ADGRL2: variants seen among roughly 807,000 people sequenced by gnomAD.
ADGRL2 encodes the protein adhesion G protein-coupled receptor L2.
Under a neutral mutation model 157.4 loss-of-function variants are expected in ADGRL2, and 44 were observed. The observed-to-expected ratio is 0.28, with a 90% CI of 0.22 to 0.36. The LOEUF (loss-of-function observed/expected upper bound fraction) is 0.36. Ranked by LOEUF, ADGRL2 falls within the 10% of genes least tolerant of loss-of-function variation. The pLI is 1.00. For missense variants in ADGRL2, 1,510 were observed against 1,768.9 expected (o/e 0.85, Z 2.63); for synonymous variants, 585 against 624.7 (o/e 0.94, Z 0.95).
intron 1 of ADGRL2, among the ~76,000 whole-genome samples, chr1:81,398,953 CT>C (rs2076704332): frequency 6.6e-6 from 1 of 152,148 alleles, no homozygotes; most frequent in Non-Finnish European, 1.5e-5. Context: ...CTGTATTAGT[CT>C]GTTTTCACAC....
chr1:81,549,304 C>G lies in ADGRL2; in HGVS notation c.-247-31572C>G, dbSNP rs75246292. 2.0e-4 allele frequency among the ~76,000 whole-genome samples: 31 copies of G among 152,242 alleles called. 3 individuals are homozygous for G. The East Asian group carries it at 6.0e-3, about 29-fold the overall frequency. On this transcript the variant is annotated intron_variant, in intron 2 of 24. Transcript: ENST00000370721. ...AACTTTTGAAAATATGGAAAAGAAA[C>G]TATTCAAAACAAAGGAAAGGAAGAA...
intron 2 of ADGRL2, among the ~76,000 whole-genome samples, chr1:81,458,729 T>C (rs994638322): frequency 6.6e-6 from 1 of 152,150 alleles, no homozygotes; most frequent in African/African-American, 2.4e-5. Flanking sequence ...AACTAGGAGA[T>C]GCCAGAAACC....
intron 2 of ADGRL2, among the ~76,000 whole-genome samples, chr1:81,785,919 C>T (rs1028673467): frequency 6.6e-6 from 1 of 151,206 alleles, no homozygotes; most frequent in Non-Finnish European, 1.5e-5. Flanking sequence ...CCAGCCTGGA[C>T]AAAATAGAGA....
chr1:81,986,938 T>G lies in ADGRL2; in HGVS notation c.3546T>G (p.Leu1182=). The G allele has an allele frequency of 6.2e-7, 1 of 1,611,580 alleles. No individual in the cohort carries two copies. The highest frequency in any genetic ancestry group is 8.5e-7 in the Non-Finnish European group (1 of 1,179,122). The stretch of plus-strand genomic sequence containing the variant: ...ATTACCTACTAACAAACCCTCTTCT[T>G]CGACCCCACGGCACTAACAACCCCT... ...TGNYLLTNPL[L]RPHGTNNPYN... is the part of the protein sequence containing the mutation. Residue 1182 remains leucine (L), a synonymous_variant, in exon 22 of 24, where the codon CTT becomes CTG. Coordinates refer to ENST00000686636, the MANE Select transcript of ADGRL2 (RefSeq NM_001366006.2).
intron 14 of ADGRL2, among the ~76,000 whole-genome samples, chr1:81,968,703 T>A (rs3828120): frequency 0.32 from 49,051 of 152,082 alleles, 8,051 homozygotes; most frequent in Admixed American, 0.33. Context: ...TTTTAAGAAG[T>A]GTAGCATTTC....
chr1:81,781,440 TA>T (rs974485012), intron 2 of ADGRL2, among the ~76,000 whole-genome samples: 24 of 150,726 alleles, frequency 1.6e-4, no homozygotes, highest in Admixed American at 1.3e-3. Flanking sequence ...GTTTTTCAGC[TA>T]AAAAAAAAGG....
chr1:81,767,269 G>GT (rs1398310388), intron 2 of ADGRL2, among the ~76,000 whole-genome samples: 9 of 151,752 alleles, frequency 5.9e-5, no homozygotes, highest in Non-Finnish European at 1.3e-4. Context: ...TCAGTTTTTT[G>GT]TTTTTTTGTT....
intron 1 of ADGRL2, among the ~76,000 whole-genome samples, chr1:81,363,823 T>C (rs1287087254): frequency 2.0e-5 from 3 of 152,162 alleles, no homozygotes; most frequent in East Asian, 3.8e-4. Flanking sequence ...TCTGCTTCTA[T>C]ACATTGTACT....
At chr1:81,527,730 G>A (rs2079497271) in intron 2 of ADGRL2, among the ~76,000 whole-genome samples, 1 of 151,210 alleles carries the variant, frequency 6.6e-6, no homozygotes, top group South Asian at 2.1e-4. Flanking sequence ...AAAGTGATCG[G>A]AGGGAGCTGC....
chr1:81,580,996 T>C (rs184422377), intron 3 of ADGRL2: 16 of 152,342 alleles, frequency 1.1e-4, no homozygotes, highest in East Asian at 5.8e-4. Flanking sequence ...TGAACATTCC[T>C]TCCAAACAAT....
At chr1:81,700,898 A>G (rs1239934492) in intron 1 of ADGRL2, among the ~76,000 whole-genome samples, 1 of 152,234 alleles carries the variant, frequency 6.6e-6, no homozygotes, top group Non-Finnish European at 1.5e-5. Flanking sequence ...GTTTGCAGTC[A>G]CAGAAAAATC....
rs34509135 is a variant in ADGRL2, at chr1:81,859,406, CTT to C, written c.73+22366_73+22367del. On this transcript the variant is annotated intron_variant, in intron 2 of 23. Coordinates refer to ENST00000686636, the MANE Select transcript of ADGRL2 (RefSeq NM_001366006.2). ...AAGTAAAATGACCATAGAATAAAAC[CTT>C]TTTTTTTTTTTTTTTTGAGACAGGG... is the stretch of plus-strand genomic sequence containing the variant. Among the ~76,000 whole-genome samples the C allele has an allele frequency of 1.2e-3, 155 of 124,850 alleles. 1 individual carries two copies. Among genetic ancestry groups the C allele is most frequent in the Middle Eastern group, 4.8e-3 (1 of 210 alleles). The allele number at this position is 124,850 out of a possible 152,430, so 81.9% of individuals were successfully genotyped here.
intron 1 of ADGRL2, among the ~76,000 whole-genome samples, chr1:81,705,039 TTC>T (rs2083687532): frequency 1.3e-5 from 2 of 152,172 alleles, no homozygotes; most frequent in African/African-American, 2.4e-5. Context: ...TGTTGTTGTT[TTC>T]TTTTAATTTT....
chr1:81,701,670 C>T (rs1025445312), intron 1 of ADGRL2, among the ~76,000 whole-genome samples: 3 of 152,140 alleles, frequency 2.0e-5, no homozygotes, highest in Non-Finnish European at 4.4e-5. Flanking sequence ...AAGGAATTTG[C>T]CCAAGTTCCC....
At chr1:81,605,178 G>A (rs955573166) in intron 3 of ADGRL2, among the ~76,000 whole-genome samples, 6 of 152,132 alleles carry the variant, frequency 3.9e-5, no homozygotes, top group Non-Finnish European at 7.4e-5. Context: ...AACATAAAGA[G>A]CCCTTCCCCC....
intron 2 of ADGRL2, among the ~76,000 whole-genome samples, chr1:81,898,566 A>C (rs996071775): frequency 1.2e-4 from 19 of 152,300 alleles, no homozygotes; most frequent in African/African-American, 3.8e-4. Context: ...AAACAAAAGG[A>C]TCTTCTACAA....
At chr1:81,370,553 A>G (rs2076144910) in intron 1 of ADGRL2, among the ~76,000 whole-genome samples, 2 of 152,178 alleles carry the variant, frequency 1.3e-5, no homozygotes, top group African/African-American at 4.8e-5. Context: ...ACATACTTTT[A>G]TAGTTAAATA....
chr1:81,533,555 G>T (rs2079657306), intron 2 of ADGRL2, among the ~76,000 whole-genome samples: 1 of 152,080 alleles, frequency 6.6e-6, no homozygotes, highest in African/African-American at 2.4e-5. Context: ...TTTAAAGTCT[G>T]CAGGCTTCTT....
intron 2 of ADGRL2, among the ~76,000 whole-genome samples, chr1:81,446,147 A>G (rs916251063): frequency 6.6e-6 from 1 of 151,814 alleles, no homozygotes; most frequent in South Asian, 2.1e-4. Context: ...TTGGCATCCC[A>G]TTGCCCTTTG....
Sources: gnomAD v4.1 joint callset for allele counts (sites outside exome capture counted in the v4.1 genomes callset) on GRCh38, gnomAD v4.1.1 for gene constraint, MANE v1.5 for transcripts, NCBI Gene and HGNC (gene_info 2026-07-23, HGNC 2026-07-21) for gene names.